The following CIC variants were observed in gnomAD, a reference collection of about 807,000 sequenced individuals.
CIC encodes the protein capicua transcriptional repressor, also known as protein capicua homolog.
CIC carries 18 observed loss-of-function variants against 115.7 expected under a neutral mutation model. The ratio of observed to expected loss-of-function variants is 0.16; its 90% CI spans 0.11 to 0.23. The LOEUF (loss-of-function observed/expected upper bound fraction) is 0.23. Ranked by LOEUF, CIC falls within the 10% of genes least tolerant of loss-of-function variation. CIC has a pLI of 1.00. For missense variants in CIC, 2,000 were observed against 2,159.3 expected (o/e 0.93, Z 1.46); for synonymous variants, 1,076 against 923.0 (o/e 1.17, Z -3.01).
Position 42,290,375 on chromosome 19 carries a change from C to T in CIC, c.4334C>T (p.Ala1445Val), listed in dbSNP as rs201728833. Residue 1445 changes from alanine to valine, a missense_variant, in exon 11 of 21, where the codon GCG (alanine) becomes GTG (valine). This residue lies in a region of CIC where 1,466 missense variants were observed against 1,390.4 expected (regional missense o/e 1.05). Coordinates refer to ENST00000681038, the MANE Select transcript of CIC (RefSeq NM_001386298.1). ...TATGGTTCCGCCCCATCCTCCTCTG[C>T]GTCCTCGCCTGCTTCCTCCTCAGCC... ...KGYGSAPSSS[A>V]SSPASSSASA... 34 of 1,613,988 alleles carry T rather than the reference C, an allele frequency of 2.1e-5. No homozygotes were observed. The highest frequency in any genetic ancestry group is 2.7e-5 in the Non-Finnish European group (32 of 1,179,980).
chr19:42,284,859 A>C, intron 2 of CIC: 1 of 1,131,176 alleles, frequency 8.8e-7, no homozygotes, highest in Non-Finnish European at 1.3e-6. Flanking sequence ...ATAGTAGGGG[A>C]GAGAACAGTA....
At chr19:42,285,780 C>T (rs2037594918) in intron 2 of CIC, among the ~76,000 whole-genome samples, 1 of 152,228 alleles carries the variant, frequency 6.6e-6, no homozygotes, top group Non-Finnish European at 1.5e-5. Context: ...TAGGCCCGCC[C>T]CAAAAGTCCA....
Position 42,287,768 on chromosome 19 carries a change from T to C in CIC, c.3492+41T>C, listed in dbSNP as rs756517491. ...CTTGGCTCCTCCCAGCTTCTTCTGG[T>C]GGGGTGGGTGAGTGAAGGGTTGCCC... On this transcript the variant is annotated intron_variant, in intron 6 of 20. Coordinates refer to ENST00000681038, the MANE Select transcript of CIC (RefSeq NM_001386298.1). This position sits in a 1 kb window ranked among gnomAD's most constrained non-coding sequence, Gnocchi z 8.7. The C allele has an allele frequency of 6.2e-7, 1 of 1,613,992 alleles. No individual in the cohort carries two copies.
At chr19:42,286,969 G>A (rs755699928) in intron 3 of CIC, 37 bp from the exon 4 acceptor site, 1 of 1,608,004 alleles carries the variant, frequency 6.2e-7, no homozygotes, top group Non-Finnish European at 8.5e-7. Context: ...GGGTCCAGGT[G>A]GCCTAGGAGC....
chr19:42,274,268 G>A lies in CIC; in HGVS notation c.2485G>A (p.Gly829Ser), dbSNP rs1266473886. The A allele has an allele frequency of 2.5e-6, 1 of 398,718 alleles. No individual in the cohort carries two copies. Among genetic ancestry groups the A allele is most frequent in the Non-Finnish European group, 4.4e-6 (1 of 226,222 alleles). The allele number at this position is 398,718 out of a possible 1,614,324, so 24.7% of individuals were successfully genotyped here. Reference protein sequence around the residue: ...PLPSKFPGEVGTAGEVRAGGP... With the variant: ...PLPSKFPGEVSTAGEVRAGGP... ...GCCCTCCAAATTCCCTGGGGAGGTG[G>A]GCACTGCTGGTGAGGTGCGGGCTGG... Residue 829 changes from glycine to serine, a missense_variant, in exon 2 of 21, where the codon GGC becomes AGC. By Grantham distance (56) the Gly-to-Ser change is moderately conservative (BLOSUM62 0). Transcript: ENST00000681038.
intron 10 of CIC, 21 bp from the exon 11 acceptor site, chr19:42,290,212 G>A: frequency 8.7e-6 from 14 of 1,614,050 alleles, no homozygotes; most frequent in Non-Finnish European, 1.1e-5. Context: ...GACCTGGGGT[G>A]TCTCCCTTCC....
chr19:42,283,303 G>A (rs1226407362), intron 2 of CIC, among the ~76,000 whole-genome samples: 1 of 152,072 alleles, frequency 6.6e-6, no homozygotes. Context: ...ATTCATGTGG[G>A]CTGGTGGGGG....
In CIC at chr19:42,293,604, C is replaced by T. The variant is rs2038309861; in HGVS notation, c.6535C>T (p.Pro2179Ser). Reference protein sequence around the residue: ...KGPETMASKFPSSSSDWRVPG... With the variant: ...KGPETMASKFSSSSSDWRVPG... The stretch of plus-strand genomic sequence containing the variant: ...ATCTCCACCCCAGGCCAGCAAATTC[C>T]CCAGCTCATCTTCAGACTGGCGCGT... The change falls in exon 17 of 21, where the codon CCC (proline) becomes TCC (serine). Residue 2179 changes from proline (P) to serine (S), a missense_variant. Physicochemically the swap from Pro to Ser is moderately conservative, Grantham distance 74. Coordinates refer to ENST00000681038, the MANE Select transcript of CIC (RefSeq NM_001386298.1). 4 of 1,613,846 alleles carry T rather than the reference C, an allele frequency of 2.5e-6. No homozygotes were observed. The East Asian group carries it at 8.9e-5, about 36-fold the overall frequency.
In CIC at chr19:42,295,143, G is replaced by GGGGGCGC; in HGVS notation, c.7506_7507insGGGGCGC (p.Pro2503GlyfsTer22). 2.9e-6 allele frequency: 4 copies of GGGGGCGC among 1,382,724 alleles called. No homozygotes were observed. The highest frequency in any genetic ancestry group is 3.9e-6 in the Non-Finnish European group (4 of 1,037,814). 85.7% of individuals were successfully genotyped at this position (1,382,724 alleles called of 1,614,324 possible). ...AGCCTGGCTGGGAGGGGGCTCCCCA[G>GGGGGCGC]CCCTCCCCCCCACCCCCAGGTCCCT... On this transcript the variant is annotated frameshift_variant, in exon 21 of 21. Coordinates refer to ENST00000681038, the MANE Select transcript of CIC (RefSeq NM_001386298.1). LOFTEE classifies it high-confidence loss of function.
Position 42,290,931 on chromosome 19 carries a change from C to T in CIC, c.4890C>T (p.Ser1630=), listed in dbSNP as rs2147264482. 6.2e-7 allele frequency: 1 copy of T among 1,613,626 alleles called. No homozygotes were observed. The highest frequency in any genetic ancestry group is 8.5e-7 in the Non-Finnish European group (1 of 1,180,024). ...CTGGGTCTCGGGTGCCTGGGGGCTC[C>T]CCGCTGGGTGTCAGCTTAGTGTATT... ...MGTGSRVPGG[S]PLGVSLVYSD... Residue 1630 remains serine (S), a synonymous_variant, in exon 11 of 21, where the codon TCC becomes TCT. Transcript: ENST00000681038.
intron 7 of CIC, 41 bp from the exon 8 acceptor site, chr19:42,288,847 C>T (rs1335867279): frequency 6.3e-7 from 1 of 1,583,718 alleles, no homozygotes; most frequent in Non-Finnish European, 8.7e-7. Flanking sequence ...GTGCTGGTGA[C>T]AGGCTTACTG....
rs778737030 is a variant in CIC at position 42,291,587 on chromosome 19, C to T, written c.5455C>T (p.Pro1819Ser). The stretch of plus-strand genomic sequence containing the variant: ...GTCAGTTTCTCCCGTGCAGGCCCCG[C>T]CCCCGGGTGGCTCAGCCCAGCTGCT... The part of the protein sequence containing the change: ...AQSVSPVQAP[P>S]PGGSAQLLPG... Residue 1819 changes from proline (P) to serine (S), a missense_variant, in exon 12 of 21, where the codon CCC (proline) becomes TCC (serine). Pro to Ser is a moderately conservative substitution (Grantham distance 74). Around this residue, in one of 8 missense-constraint regions of CIC, gnomAD observed 1,466 missense variants for 1,390.4 expected, o/e 1.05. Coordinates refer to ENST00000681038, the MANE Select transcript of CIC (RefSeq NM_001386298.1). 4.3e-6 allele frequency: 7 copies of T among 1,612,852 alleles called. No homozygotes were observed. In the Admixed American group the frequency reaches 1.0e-4, roughly 23 times the overall value.
intron 2 of CIC, chr19:42,284,463 G>T (rs896993463): frequency 2.1e-5 from 3 of 144,900 alleles, no homozygotes; most frequent in African/African-American, 7.4e-5. Flanking sequence ...GGCGGGGCCG[G>T]TGCGCGCTGA....
Position 42,292,122 on chromosome 19 carries a change from AGCGGCC to A in CIC, c.5651_5656del (p.Ser1884_Leu1886delinsMet). The A allele has an allele frequency of 2.5e-6, 4 of 1,613,918 alleles. No homozygotes were observed. The highest frequency in any genetic ancestry group is 1.7e-6 in the Non-Finnish European group (2 of 1,180,008). ...GACCCCGGTGCCTGTGAGCACACCCAGCGGCCTGGTGCCGCCCCTGAGCCCAGCCAC... is the reference window on the plus strand; with the variant it reads ...GACCCCGGTGCCTGTGAGCACACCCATGGTGCCGCCCCTGAGCCCAGCCAC... On this transcript the variant is annotated inframe_deletion, in exon 13 of 21. Transcript: ENST00000681038.
rs1333027962 is a variant in CIC at position 42,293,289 on chromosome 19, C to T, written c.6522+8C>T. ...AAGGGCCCTGAGACCATGGTGAGCGCCTGCAGGCCGTGGGGCTCCCACTGC... is the reference window on the plus strand; with the variant it reads ...AAGGGCCCTGAGACCATGGTGAGCGTCTGCAGGCCGTGGGGCTCCCACTGC... On this transcript the variant is annotated splice_region_variant and intron_variant, in intron 16 of 20. Coordinates refer to ENST00000681038, the MANE Select transcript of CIC (RefSeq NM_001386298.1). 1 of 1,562,160 alleles carries T rather than the reference C, an allele frequency of 6.4e-7. No homozygotes were observed. Among genetic ancestry groups the T allele is most frequent in the Non-Finnish European group, 8.6e-7 (1 of 1,156,992 alleles).
chr19:42,291,561 A>G lies in CIC; in HGVS notation c.5429A>G (p.Gln1810Arg), dbSNP rs1231355722. 1.2e-6 allele frequency: 2 copies of G among 1,612,918 alleles called. No homozygotes were observed. The highest frequency in any genetic ancestry group is 1.7e-6 in the Non-Finnish European group (2 of 1,180,002). The change falls in exon 12 of 21, where the codon CAG becomes CGG. Residue 1810 changes from glutamine (Q) to arginine (R), a missense_variant. Transcript: ENST00000681038. ...SVPSAPPPKA[Q>R]SVSPVQAPPP... ...TTTCTTGCCTCTTAACTTCCAGCCCAGTCAGTTTCTCCCGTGCAGGCCCCG... is the reference window on the plus strand; with the variant it reads ...TTTCTTGCCTCTTAACTTCCAGCCCGGTCAGTTTCTCCCGTGCAGGCCCCG...
At chr19:42,289,815 C>T (rs1377950931) in intron 9 of CIC, 33 bp from the exon 10 acceptor site, 2 of 1,522,884 alleles carry the variant, frequency 1.3e-6, no homozygotes, top group Non-Finnish European at 1.8e-6. Flanking sequence ...TGCATCTAGC[C>T]CCCTCCCCAT....
At chr19:42,277,353 C>T (rs1194364752) in intron 2 of CIC, among the ~76,000 whole-genome samples, 1 of 152,204 alleles carries the variant, frequency 6.6e-6, no homozygotes, top group Non-Finnish European at 1.5e-5. Context: ...CCTCAGCCTC[C>T]CGAATAGCTG....
Position 42,291,345 on chromosome 19 carries a change from C to T in CIC, c.5304C>T (p.Thr1768=), listed in dbSNP as rs530353066. The change falls in exon 11 of 21, where the codon ACC becomes ACT. Residue 1768 remains threonine, a synonymous_variant. Transcript: ENST00000681038. ...CGGCTCCCAGCGGCCCTGCACCCACCACCAGCATCCGTTTCACCCTCCCAC... is the reference window on the plus strand; with the variant it reads ...CGGCTCCCAGCGGCCCTGCACCCACTACCAGCATCCGTTTCACCCTCCCAC... ...KAAAPSGPAP[T]TSIRFTLPPG... is the part of the protein sequence containing the mutation. 1.9e-6 allele frequency: 3 copies of T among 1,612,810 alleles called. No individual in the cohort carries two copies. Among genetic ancestry groups the T allele is most frequent in the African/African-American group, 2.7e-5 (2 of 75,030 alleles).
Sources: allele counts gnomAD v4.1 joint callset (sites outside exome capture counted in the v4.1 genomes callset), GRCh38; gene constraint gnomAD v4.1.1; regional missense constraint gnomAD v4.1.1; non-coding constraint Gnocchi (gnomAD v3.1); transcripts MANE v1.5; gene names NCBI Gene and HGNC (gene_info 2026-07-23, HGNC 2026-07-21).